NPAS3: variants seen among roughly 807,000 people sequenced by gnomAD.
NPAS3 encodes the protein neuronal PAS domain protein 3, also known as neuronal PAS domain-containing protein 3.
NPAS3 carries 14 observed loss-of-function variants against 73.1 expected under a neutral mutation model. The ratio of observed to expected loss-of-function variants is 0.19; its 90% CI spans 0.13 to 0.30. The LOEUF is 0.30. Among genes scored for constraint, NPAS3 ranks in the 10% least tolerant of loss-of-function variants. NPAS3 has a pLI of 1.00. For synonymous variants in NPAS3, 620 were observed against 541.5 expected (o/e 1.14, Z -2.01); for missense variants, 1,096 against 1,250.0 (o/e 0.88, Z 1.86).
At chr14:33,147,730 A>AATATATATATATATATATAT (rs10674790) in intron 2 of NPAS3, among the ~76,000 whole-genome samples, 49 of 130,340 alleles carry the variant, frequency 3.8e-4, no homozygotes, top group African/African-American at 1.5e-3. Flanking sequence ...TAGAATAAAA[A>AATATATATATATATATATAT]ATATATATAT....
chr14:33,339,801 T>C (rs2044388654), intron 3 of NPAS3, among the ~76,000 whole-genome samples: 1 of 152,216 alleles, frequency 6.6e-6, no homozygotes, highest in Non-Finnish European at 1.5e-5. Flanking sequence ...TTTCAGTTCT[T>C]TGTTTAGATT....
At chr14:33,506,362 TTC>T (rs139156242) in intron 4 of NPAS3, among the ~76,000 whole-genome samples, 6,360 of 152,146 alleles carry the variant, frequency 0.042, 155 homozygotes, top group South Asian at 0.071. Context: ...ATATATGACT[TTC>T]TGCAATTTGC....
intron 4 of NPAS3, among the ~76,000 whole-genome samples, chr14:33,488,925 T>G (rs1178043821): frequency 6.6e-6 from 1 of 152,142 alleles, no homozygotes; most frequent in Non-Finnish European, 1.5e-5. Flanking sequence ...GGGCAGTGAT[T>G]TTACTGTTGT....
intron 4 of NPAS3, among the ~76,000 whole-genome samples, chr14:33,415,574 G>A (rs1718088151): frequency 6.6e-6 from 1 of 152,070 alleles, no homozygotes; most frequent in African/African-American, 2.4e-5. Flanking sequence ...ACCCACAAAT[G>A]TACCATAGCA....
In NPAS3 at chr14:33,575,993, G is replaced by C. The variant is rs75528388; in HGVS notation, c.558+15783G>C. Reference sequence around the variant, plus strand: ...TAGCACCCTCCCACCCCCCTTGTAGGCACCTCAACCCTTAGGTTGCCAAAT... The same window carrying C: ...TAGCACCCTCCCACCCCCCTTGTAGCCACCTCAACCCTTAGGTTGCCAAAT... On this transcript the variant is annotated intron_variant, in intron 5 of 11. Coordinates refer to ENST00000356141, the Ensembl canonical transcript of NPAS3. 0.013 allele frequency among the ~76,000 whole-genome samples: 1,939 copies of C among 152,156 alleles called. 100 individuals carry two copies. The East Asian group carries it at 0.18, about 14-fold the overall frequency.
intron 4 of NPAS3, among the ~76,000 whole-genome samples, chr14:33,460,569 G>A (rs901664336): frequency 7.9e-5 from 12 of 152,028 alleles, no homozygotes; most frequent in Admixed American, 2.0e-4. Context: ...TTCCTACAAC[G>A]TCCTAAATCT....
At chr14:33,504,163 C>T (rs1008339718) in intron 4 of NPAS3, among the ~76,000 whole-genome samples, 4 of 151,922 alleles carry the variant, frequency 2.6e-5, no homozygotes, top group African/African-American at 9.7e-5. Context: ...AGAGACTTAC[C>T]AGTGGATCTC....
At chr14:33,420,690 G>C (rs1399370279) in intron 4 of NPAS3, among the ~76,000 whole-genome samples, 1 of 151,856 alleles carries the variant, frequency 6.6e-6, no homozygotes, top group Non-Finnish European at 1.5e-5. Context: ...CAAGTGGAAA[G>C]CATAGGAAAT....
At chr14:33,153,598 C>T (rs548740437) in intron 2 of NPAS3, among the ~76,000 whole-genome samples, 6 of 152,204 alleles carry the variant, frequency 3.9e-5, no homozygotes, top group Middle Eastern at 6.8e-3. Flanking sequence ...TTAATGATCT[C>T]CAGAGAATAA....
chr14:33,216,929 A>T (rs769747290), intron 3 of NPAS3, among the ~76,000 whole-genome samples: 1 of 152,178 alleles, frequency 6.6e-6, no homozygotes, highest in Non-Finnish European at 1.5e-5. Context: ...GAGCATGTAG[A>T]TATCAATTCA....
intron 5 of NPAS3, among the ~76,000 whole-genome samples, chr14:33,592,057 C>T (rs532755898): frequency 2.3e-4 from 35 of 152,216 alleles, no homozygotes; most frequent in African/African-American, 5.8e-4. Flanking sequence ...GTGGGATGAC[C>T]GCTGGGAGAC....
chr14:33,372,191 C>T (rs2046119593), intron 4 of NPAS3, among the ~76,000 whole-genome samples: 1 of 152,072 alleles, frequency 6.6e-6, no homozygotes, highest in South Asian at 2.1e-4. Context: ...CATCAGGTAC[C>T]AAAGCTTCCC....
At chr14:33,194,973 C>T (rs1478408462) in intron 2 of NPAS3, among the ~76,000 whole-genome samples, 11 of 152,108 alleles carry the variant, frequency 7.2e-5, no homozygotes, top group Non-Finnish European at 1.3e-4. Context: ...ATATGACTTA[C>T]CTTAGGAACA....
upstream of NPAS3, among the ~76,000 whole-genome samples, chr14:32,935,489 G>C (rs1271942059): frequency 6.6e-6 from 1 of 152,160 alleles, no homozygotes; most frequent in Non-Finnish European, 1.5e-5. Context: ...ACATAATAGT[G>C]TTATCATGTC....
chr14:33,394,335 G>T (rs1467204061), intron 4 of NPAS3, among the ~76,000 whole-genome samples: 1 of 152,062 alleles, frequency 6.6e-6, no homozygotes, highest in Non-Finnish European at 1.5e-5. Flanking sequence ...TTTAAAAACA[G>T]TTTTACTAAA....
At chr14:33,406,579 A>G (rs2047678408) in intron 4 of NPAS3, among the ~76,000 whole-genome samples, 1 of 152,116 alleles carries the variant, frequency 6.6e-6, no homozygotes, top group African/African-American at 2.4e-5. Flanking sequence ...CCATTCATTC[A>G]TGCCTCCACC....
In NPAS3 at chr14:33,800,688, A is replaced by G; in HGVS notation, c.2381A>G (p.Gln794Arg). The G allele has an allele frequency of 6.5e-7, 1 of 1,546,136 alleles. No individual in the cohort carries two copies. Among genetic ancestry groups the G allele is most frequent in the Non-Finnish European group, 8.7e-7 (1 of 1,148,030 alleles). The change falls in exon 12 of 12, where the codon CAG (glutamine) becomes CGG (arginine). Residue 794 changes from glutamine to arginine, a missense_variant. Around this residue, in one of 5 missense-constraint regions of NPAS3, gnomAD observed 698 missense variants for 676.7 expected, o/e 1.03. Coordinates refer to ENST00000356141, the Ensembl canonical transcript of NPAS3. The surrounding 1 kb of genome is among the most constrained non-coding windows in gnomAD (Gnocchi z 6.5). ...TACACTGGGGACCTGGAGGCGCTGC[A>G]GAGGTTGCAGGCGGGCAACGTCGTG...
intron 4 of NPAS3, among the ~76,000 whole-genome samples, chr14:33,372,538 T>C (rs907471345): frequency 7.2e-5 from 11 of 152,188 alleles, no homozygotes; most frequent in African/African-American, 2.4e-4. Flanking sequence ...AGGCTGTGTA[T>C]TGCGAACTCT....
intron 5 of NPAS3, among the ~76,000 whole-genome samples, chr14:33,644,502 C>CTTATCCTCAGCATAAGTCACA (rs2058766022): frequency 6.6e-6 from 1 of 152,172 alleles, no homozygotes; most frequent in South Asian, 2.1e-4. Context: ...GTGTCCTTCC[C>CTTATCCTCAGCATAAGTCACA]TTATCCTCAG....
Sources: allele counts gnomAD v4.1 joint callset (sites outside exome capture counted in the v4.1 genomes callset), GRCh38; gene constraint gnomAD v4.1.1; regional missense constraint gnomAD v4.1.1; non-coding constraint Gnocchi (gnomAD v3.1); transcripts MANE v1.5; gene names NCBI Gene and HGNC (gene_info 2026-07-23, HGNC 2026-07-21).